The following SLC26A11 variants were observed in gnomAD, a reference collection of about 807,000 sequenced individuals.
SLC26A11 encodes the protein sodium-independent sulfate anion transporter.
In SLC26A11, 58 loss-of-function variants were observed where a neutral mutation model predicts 62.2. The ratio of observed to expected loss-of-function variants is 0.93; its 90% CI spans 0.76 to 1.16. The LOEUF is 1.16. Ranked by LOEUF, SLC26A11 falls within the 50% of genes most tolerant of loss-of-function variation. SLC26A11 has a pLI of 0.00. For missense variants in SLC26A11, 790 were observed against 794.3 expected, an observed-to-expected ratio of 0.99 and a Z score of 0.06; for synonymous variants, 411 against 368.9, an observed-to-expected ratio of 1.11 and a Z score of -1.31.
intron 10 of SLC26A11, among the ~76,000 whole-genome samples, chr17:80,242,065 CTCCTGGGT>C: frequency 6.6e-6 from 1 of 152,244 alleles, no homozygotes; most frequent in East Asian, 1.9e-4. Context: ...CAACCTCTGC[CTCCTGGGT>C]TCAAGTGATT....
intron 16 of SLC26A11, among the ~76,000 whole-genome samples, chr17:80,250,206 C>G (rs953309429): frequency 2.6e-5 from 4 of 152,152 alleles, no homozygotes; most frequent in African/African-American, 7.2e-5. Flanking sequence ...GGGACTAGGG[C>G]GTGTCCCCAG....
In SLC26A11 at chr17:80,222,785, A is replaced by G. The variant is rs765188926; in HGVS notation, c.365A>G (p.Tyr122Cys). ...VSFYTFHEPA[Y>C]AVLLAFLSGC... ...TTCTACACCTTCCATGAGCCCGCCT[A>G]CGCTGTGCTGCTGGCCTTCCTGTCC... Residue 122 changes from tyrosine to cysteine, a missense_variant, in exon 4 of 18, where the codon TAC becomes TGC. Tyr to Cys is a radical substitution (Grantham distance 194). Coordinates refer to ENST00000361193, the MANE Select transcript of SLC26A11 (RefSeq NM_001166347.2). The surrounding 1 kb of genome is among the most constrained non-coding windows in gnomAD (Gnocchi z 4.7). 37 of 1,614,036 alleles carry G rather than the reference A, an allele frequency of 2.3e-5. No homozygotes were observed. The highest frequency in any genetic ancestry group is 5.3e-5 in the African/African-American group (4 of 74,890).
chr17:80,240,108 C>T (rs1231332269), intron 9 of SLC26A11, among the ~76,000 whole-genome samples: 2 of 152,228 alleles, frequency 1.3e-5, no homozygotes, highest in East Asian at 3.9e-4. Flanking sequence ...TGGCACACGC[C>T]TGTAGTCCCA....
Position 80,248,210 on chromosome 17 carries a change from G to C in SLC26A11, c.1375G>C (p.Val459Leu). The C allele has an allele frequency of 6.2e-7, 1 of 1,609,810 alleles. No homozygotes were observed. The highest frequency in any genetic ancestry group is 1.1e-5 in the South Asian group (1 of 90,804). Residue 459 changes from valine (V) to leucine (L), a missense_variant, in exon 14 of 18, where the codon GTG becomes CTG. Val to Leu is a conservative substitution (Grantham distance 32). Coordinates refer to ENST00000361193, the MANE Select transcript of SLC26A11 (RefSeq NM_001166347.2). ...GTACGGCATCCTGGCCGGGGCCCTG[G>C]TGTCTCTGCTCATGCTCCTGCACTC... ...VQYGILAGAL[V>L]SLLMLLHSAA... is the part of the protein sequence containing the mutation.
At chr17:80,241,671 T>A (rs934191522) in intron 9 of SLC26A11, 100 bp from the exon 10 acceptor site, 1 of 1,214,254 alleles carries the variant, frequency 8.2e-7, no homozygotes, top group African/African-American at 1.5e-5. Flanking sequence ...CAAAACTTAT[T>A]GCCGTGTGTA....
Position 80,248,209 on chromosome 17 carries a change from G to T in SLC26A11, c.1374G>T (p.Leu458=). 1 of 1,609,750 alleles carries T rather than the reference G, an allele frequency of 6.2e-7. No individual in the cohort carries two copies. The highest frequency in any genetic ancestry group is 1.7e-5 in the Admixed American group (1 of 59,902). The change falls in exon 14 of 18, where the codon CTG becomes CTT. Residue 458 remains leucine (L), a synonymous_variant. Transcript: ENST00000361193. ...AGTACGGCATCCTGGCCGGGGCCCT[G>T]GTGTCTCTGCTCATGCTCCTGCACT... ...EVQYGILAGA[L]VSLLMLLHSA...
In SLC26A11 at chr17:80,252,517, G is replaced by C; in HGVS notation, c.1730-108G>C. 1.0e-6 allele frequency: 1 copy of C among 993,836 alleles called. No homozygotes were observed. 61.6% of individuals were successfully genotyped at this position (993,836 alleles called of 1,614,324 possible). A position where few individuals can be genotyped will look rare whatever the true frequency, so the allele number is the denominator to read the frequency against. On this transcript the variant is annotated intron_variant, in intron 17 of 17. Coordinates refer to ENST00000361193, the MANE Select transcript of SLC26A11 (RefSeq NM_001166347.2). The surrounding 1 kb of genome is among the most constrained non-coding windows in gnomAD (Gnocchi z 5.2). Reference sequence around the variant, plus strand: ...CCTGGGTGGCCCACAGCTCCTTCCTGCACACCTTCCAGGACTCTGGAAGGC... The same window carrying C: ...CCTGGGTGGCCCACAGCTCCTTCCTCCACACCTTCCAGGACTCTGGAAGGC...
At chr17:80,232,549 T>C (rs893483333) in intron 7 of SLC26A11, among the ~76,000 whole-genome samples, 1 of 152,168 alleles carries the variant, frequency 6.6e-6, no homozygotes, top group Non-Finnish European at 1.5e-5. Flanking sequence ...CCTCCTATCT[T>C]TTTACTTTTA....
chr17:80,234,184 T>C (rs2042632696), intron 7 of SLC26A11, among the ~76,000 whole-genome samples: 1 of 152,116 alleles, frequency 6.6e-6, no homozygotes, highest in Non-Finnish European at 1.5e-5. Flanking sequence ...TTTGTACTTT[T>C]AGCAGAGATG....
At chr17:80,226,925 C>A (rs954550011) in intron 6 of SLC26A11, among the ~76,000 whole-genome samples, 4 of 152,188 alleles carry the variant, frequency 2.6e-5, no homozygotes, top group African/African-American at 4.8e-5. Flanking sequence ...GCTGCCGAAG[C>A]TTCCCAGCAG....
At position 80,222,478 on chromosome 17, in the gene SLC26A11, C is replaced by T. The variant is rs2042249209; in HGVS notation, c.235-177C>T. 1 of 614,492 alleles carries T rather than the reference C, an allele frequency of 1.6e-6. No individual in the cohort carries two copies. The allele number at this position is 614,492 out of a possible 1,614,324, so 38.1% of individuals were successfully genotyped here. ...TGCACCCTGAGGCCCCAGTTGAGTG[C>T]TGCTAAAAAAGTGGCCTCCTGATCA... On this transcript the variant is annotated intron_variant, in intron 3 of 17. Transcript: ENST00000361193. The surrounding 1 kb of genome is among the most constrained non-coding windows in gnomAD (Gnocchi z 4.7).
At chr17:80,245,159 T>G (rs763102420) in intron 10 of SLC26A11, 37 bp from the exon 11 acceptor site, 13 of 1,603,922 alleles carry the variant, frequency 8.1e-6, no homozygotes, top group African/African-American at 2.7e-5. Flanking sequence ...CCTGTGTGCC[T>G]TCCCTCCACG....
Position 80,225,888 on chromosome 17 carries a change from C to G in SLC26A11, c.565C>G (p.His189Asp). ...CAGGCCGTTCTTCCTGCAGGTGTAC[C>G]ACACCTTCCTCAGGATTGCAGAGAC... ...IPRPFFLQVY[H>D]TFLRIAETRV... Residue 189 changes from histidine (H) to aspartate (D), a missense_variant, in exon 6 of 18, where the codon CAC (histidine) becomes GAC (aspartate). Physicochemically the swap from His to Asp is moderately conservative, Grantham distance 81. Transcript: ENST00000361193. The G allele has an allele frequency of 6.2e-7, 1 of 1,613,956 alleles. No individual in the cohort carries two copies. Among genetic ancestry groups the G allele is most frequent in the Non-Finnish European group, 8.5e-7 (1 of 1,179,912 alleles).
At chr17:80,232,856 TTTTG>T (rs754949490) in intron 7 of SLC26A11, among the ~76,000 whole-genome samples, 47 of 152,178 alleles carry the variant, frequency 3.1e-4, no homozygotes, top group Non-Finnish European at 4.0e-4. Flanking sequence ...TATATTTAGT[TTTTG>T]TTTGTTTGTT....
intron 9 of SLC26A11, among the ~76,000 whole-genome samples, chr17:80,240,552 C>T (rs908781370): frequency 6.6e-6 from 1 of 152,114 alleles, no homozygotes; most frequent in African/African-American, 2.4e-5. Flanking sequence ...TCTGTAATCC[C>T]AGCACTTTGG....
Position 80,249,209 on chromosome 17 carries a change from C to T in SLC26A11, c.1578C>T (p.Tyr526=). 1.9e-6 allele frequency: 3 copies of T among 1,611,292 alleles called. No homozygotes were observed. Among genetic ancestry groups the T allele is most frequent in the Non-Finnish European group, 2.5e-6 (3 of 1,179,968 alleles). The change falls in exon 16 of 18, where the codon TAC becomes TAT. Residue 526 remains tyrosine (Y), a synonymous_variant. Transcript: ENST00000361193. ...LECTHVCSID[Y]TVVLGLGELL... ...GCACCCATGTCTGCAGCATCGACTA[C>T]ACTGTGGTGCTGGGACTCGGCGAGC...
chr17:80,224,414 T>A (rs948582615), intron 5 of SLC26A11, among the ~76,000 whole-genome samples: 1 of 141,492 alleles, frequency 7.1e-6, no homozygotes, highest in Non-Finnish European at 1.5e-5. Context: ...AGAGTGAGTG[T>A]GAGTGAGTGA....
rs1324970406 is a variant in SLC26A11 at position 80,223,159 on chromosome 17, AC to A, written c.428-90del. ...GCTGCGGTATCTGCTCCCCAATCCC[AC>A]CCATTGCCACCTTCCCCAGCTCACA... is the stretch of plus-strand genomic sequence containing the variant. On this transcript the variant is annotated intron_variant, in intron 4 of 17. Coordinates refer to ENST00000361193, the MANE Select transcript of SLC26A11 (RefSeq NM_001166347.2). The surrounding 1 kb of genome is among the most constrained non-coding windows in gnomAD (Gnocchi z 4.6). 2 of 1,184,934 alleles carry A rather than the reference AC, an allele frequency of 1.7e-6. No homozygotes were observed. The highest frequency in any genetic ancestry group is 1.5e-5 in the African/African-American group (1 of 65,556). 73.4% of individuals were successfully genotyped at this position (1,184,934 alleles called of 1,614,324 possible). A position where few individuals can be genotyped will look rare whatever the true frequency, so the allele number is the denominator to read the frequency against.
At position 80,252,695 on chromosome 17, in the gene SLC26A11, G is replaced by C. The variant is rs759370536; in HGVS notation, c.1800G>C (p.Lys600Asn). Residue 600 changes from lysine (K) to asparagine (N), a missense_variant, in exon 18 of 18, where the codon AAG becomes AAC. Coordinates refer to ENST00000361193, the MANE Select transcript of SLC26A11 (RefSeq NM_001166347.2). The surrounding 1 kb of genome is among the most constrained non-coding windows in gnomAD (Gnocchi z 5.2). ...NIREDSILDQ[K>N]VALLKA ...GAGAAGACTCCATTCTGGACCAAAAGGTTGCCCTGCTCAAGGCATAATGGG... is the reference window on the plus strand; with the variant it reads ...GAGAAGACTCCATTCTGGACCAAAACGTTGCCCTGCTCAAGGCATAATGGG... 1 of 1,613,786 alleles carries C rather than the reference G, an allele frequency of 6.2e-7. No individual in the cohort carries two copies.
Sources: allele counts gnomAD v4.1 joint callset (sites outside exome capture counted in the v4.1 genomes callset), GRCh38; gene constraint gnomAD v4.1.1; non-coding constraint Gnocchi (gnomAD v3.1); transcripts MANE v1.5; gene names NCBI Gene and HGNC (gene_info 2026-07-23, HGNC 2026-07-21).